NPAS3: variants seen among roughly 807,000 people sequenced by gnomAD.
The protein encoded by NPAS3 is neuronal PAS domain-containing protein 3.
NPAS3 carries 14 observed loss-of-function variants against 73.1 expected under a neutral mutation model. The ratio of observed to expected loss-of-function variants is 0.19; its 90% CI spans 0.13 to 0.30. NPAS3 has a LOEUF of 0.30. Among genes scored for constraint, NPAS3 ranks in the 10% least tolerant of loss-of-function variants. The probability of loss-of-function intolerance (pLI) is 1.00; values close to 1 mark genes in which losing one functional copy is unlikely to be tolerated. For synonymous variants in NPAS3, 620 were observed against 541.5 expected (o/e 1.14, Z -2.01); for missense variants, 1,096 against 1,250.0 (o/e 0.88, Z 1.86).
At chr14:33,320,773 T>C (rs2043408326) in intron 3 of NPAS3, among the ~76,000 whole-genome samples, 1 of 152,214 alleles carries the variant, frequency 6.6e-6, no homozygotes, top group Admixed American at 6.5e-5. Flanking sequence ...AGTAGGGAAA[T>C]TAATTTCATT....
chr14:33,542,060 C>A (rs916328909), intron 4 of NPAS3, among the ~76,000 whole-genome samples: 32 of 152,126 alleles, frequency 2.1e-4, no homozygotes, highest in African/African-American at 7.5e-4. Context: ...TTGCTTGGTA[C>A]CATGATGAAG....
intron 4 of NPAS3, among the ~76,000 whole-genome samples, chr14:33,368,435 A>G (rs1289814739): frequency 6.6e-6 from 1 of 152,098 alleles, no homozygotes; most frequent in Admixed American, 6.6e-5. Context: ...TTGGGCCTCA[A>G]CCTAGACCTA....
At chr14:33,605,527 T>C (rs2057532139) in intron 5 of NPAS3, among the ~76,000 whole-genome samples, 2 of 151,934 alleles carry the variant, frequency 1.3e-5, no homozygotes, top group African/African-American at 2.4e-5. Flanking sequence ...AATAAATGAA[T>C]TTAGCAAAAT....
At chr14:32,985,849 C>T (rs556177368) in intron 1 of NPAS3, among the ~76,000 whole-genome samples, 1 of 152,282 alleles carries the variant, frequency 6.6e-6, no homozygotes, top group South Asian at 2.1e-4. Flanking sequence ...TCTGTCATGT[C>T]ATGGCTTGGT....
chr14:33,549,116 G>T (rs1299060930), intron 4 of NPAS3, among the ~76,000 whole-genome samples: 1 of 152,142 alleles, frequency 6.6e-6, no homozygotes, highest in Non-Finnish European at 1.5e-5. Flanking sequence ...GACAATTCAT[G>T]TACTAGATAT....
chr14:33,367,261 T>C (rs754866654), exon 4 of NPAS3: 2 of 864,802 alleles, frequency 2.3e-6, no homozygotes, highest in East Asian at 2.4e-5. Context: ...GGAAGCCACA[T>C]TTTGCAGGTA....
intron 2 of NPAS3, among the ~76,000 whole-genome samples, chr14:33,196,819 A>G (rs1442350536): frequency 6.6e-6 from 1 of 152,200 alleles, no homozygotes; most frequent in Non-Finnish European, 1.5e-5. Context: ...AAATGAGTCA[A>G]ATGTGCTCTC....
At chr14:33,160,859 T>C (rs1471584859) in intron 2 of NPAS3, among the ~76,000 whole-genome samples, 2 of 152,220 alleles carry the variant, frequency 1.3e-5, no homozygotes, top group South Asian at 2.1e-4. Flanking sequence ...CTTTGGGGCA[T>C]TTCATTTCCA....
chr14:32,993,084 A>G (rs1156642115), intron 1 of NPAS3, among the ~76,000 whole-genome samples: 2 of 149,290 alleles, frequency 1.3e-5, no homozygotes, highest in African/African-American at 4.9e-5. Context: ...CGGGCAGTGG[A>G]GGTTGCAGTG....
chr14:33,149,160 C>A (rs1241842787), intron 2 of NPAS3, among the ~76,000 whole-genome samples: 2 of 152,106 alleles, frequency 1.3e-5, no homozygotes, highest in Non-Finnish European at 2.9e-5. Context: ...GAATAACAGA[C>A]TTTTATTACT....
chr14:33,047,198 A>G (rs1183714597), intron 1 of NPAS3, among the ~76,000 whole-genome samples: 1 of 152,254 alleles, frequency 6.6e-6, no homozygotes, highest in Non-Finnish European at 1.5e-5. Context: ...TATACATATT[A>G]TCTTTCTATT....
intron 1 of NPAS3, among the ~76,000 whole-genome samples, chr14:32,972,803 T>G (rs1044363242): frequency 1.3e-5 from 2 of 152,168 alleles, no homozygotes; most frequent in African/African-American, 4.8e-5. Flanking sequence ...TGGAAATGGA[T>G]AGAAGTGATA....
At chr14:33,733,359 T>C (rs552165408) in intron 6 of NPAS3, among the ~76,000 whole-genome samples, 1 of 152,222 alleles carries the variant, frequency 6.6e-6, no homozygotes, top group South Asian at 2.1e-4. Flanking sequence ...CGGCATCCCT[T>C]ACGAGAAAAA....
chr14:33,090,785 TATAAC>T (rs2042198395), intron 2 of NPAS3, among the ~76,000 whole-genome samples: 1 of 152,196 alleles, frequency 6.6e-6, no homozygotes, highest in African/African-American at 2.4e-5. Context: ...GAACAGAAAT[TATAAC>T]AAACTCTCTC....
chr14:33,009,777 C>G (rs972251040), intron 1 of NPAS3, among the ~76,000 whole-genome samples: 6 of 152,116 alleles, frequency 3.9e-5, no homozygotes, highest in Non-Finnish European at 8.8e-5. Flanking sequence ...GAACATGTGG[C>G]TGGTGAGTGC....
intron 2 of NPAS3, among the ~76,000 whole-genome samples, chr14:33,183,040 G>A (rs1003816664): frequency 2.6e-5 from 4 of 152,086 alleles, no homozygotes; most frequent in Non-Finnish European, 4.4e-5. Context: ...CTCTTGTCAC[G>A]CCTTTCTTTG....
intron 5 of NPAS3, among the ~76,000 whole-genome samples, chr14:33,606,408 AT>A (rs2057567502): frequency 6.6e-6 from 1 of 151,714 alleles, no homozygotes; most frequent in African/African-American, 2.4e-5. Flanking sequence ...TGAACTCATC[AT>A]TTTTTATGGC....
intron 7 of NPAS3, among the ~76,000 whole-genome samples, chr14:33,771,499 A>G (rs1182733218): frequency 1.3e-5 from 2 of 152,206 alleles, no homozygotes; most frequent in African/African-American, 4.8e-5. Context: ...AAAAGTTCAT[A>G]TACAGTTTAC....
intron 5 of NPAS3, among the ~76,000 whole-genome samples, chr14:33,636,384 T>C (rs2058515590): frequency 1.3e-5 from 2 of 152,210 alleles, no homozygotes; most frequent in South Asian, 2.1e-4. Flanking sequence ...GCCTCCAGTC[T>C]ATGTATCAAT....
Sources: gnomAD v4.1 joint callset for allele counts (sites outside exome capture counted in the v4.1 genomes callset) on GRCh38, gnomAD v4.1.1 for gene constraint, MANE v1.5 for transcripts, NCBI Gene and HGNC (gene_info 2026-07-23, HGNC 2026-07-21) for gene names.